CARD9: variants seen among roughly 807,000 people sequenced by gnomAD.
CARD9 encodes caspase recruitment domain-containing protein 9.
CARD9 carries 53 observed loss-of-function variants against 66.0 expected under a neutral mutation model. The ratio of observed to expected loss-of-function variants is 0.80; its 90% CI spans 0.64 to 1.01. The LOEUF is 1.01. Ranked by LOEUF, CARD9 falls within the 50% of genes least tolerant of loss-of-function variation. The pLI is 0.00. For synonymous variants in CARD9, 387 were observed against 313.8 expected, an observed-to-expected ratio of 1.23 and a Z score of -2.47; for missense variants, 769 against 743.2, an observed-to-expected ratio of 1.03 and a Z score of -0.40.
Position 136,367,908 on chromosome 9 carries a change from A to G in CARD9, c.1078-80T>C, listed in dbSNP as rs1261435754. On this transcript the variant is annotated intron_variant, in intron 7 of 12. Transcript: ENST00000371732. ...CCCTCGGCCCGGCCGCCCAACTCCA[A>G]GCAGAGGCTCCGGAGGACGTCAAGC... The G allele has an allele frequency of 2.0e-6, 3 of 1,493,622 alleles. No individual in the cohort carries two copies. In the East Asian group the frequency reaches 7.3e-5, roughly 36 times the overall value. 92.5% of individuals were successfully genotyped at this position (1,493,622 alleles called of 1,614,324 possible).
chr9:136,370,433 C>A lies in CARD9; in HGVS notation c.812G>T (p.Gly271Val). The A allele has an allele frequency of 6.2e-7, 1 of 1,610,818 alleles. No individual in the cohort carries two copies. Among genetic ancestry groups the A allele is most frequent in the South Asian group, 1.1e-5 (1 of 90,690 alleles). The change falls in exon 6 of 13, where the codon GGG becomes GTG. Residue 271 changes from glycine (G) to valine (V), a missense_variant. Transcript: ENST00000371732. Reference sequence around the variant, plus strand: ...GTAGGGGCTGCTCCTGTCCAGCTTCCCCTCCTGAAGGGGGCAAAAGGCAAT... The same window carrying A: ...GTAGGGGCTGCTCCTGTCCAGCTTCACCTCCTGAAGGGGGCAAAAGGCAAT... Reference protein sequence around the residue: ...VQELEASVQEGKLDRSSPYIQ... With the variant: ...VQELEASVQEVKLDRSSPYIQ...
intron 9 of CARD9, 52 bp downstream of exon 9, chr9:136,367,164 A>G: frequency 6.3e-7 from 1 of 1,584,566 alleles, no homozygotes; most frequent in Non-Finnish European, 8.6e-7. Context: ...CAGCTCAGCC[A>G]GGACCCCAGG....
Position 136,364,553 on chromosome 9 carries a change from C to G in CARD9, c.1441G>C (p.Gly481Arg), listed in dbSNP as rs1833070179. ...TCGGGCGGCTCCCCGCTGCTCAGGC[C>G]TGCGTCCTGGAGAAGGGGGAAGGCT... is the stretch of plus-strand genomic sequence containing the variant. ...EQVLRNPHDA[G>R]LSSGEPPEKE... The change falls in exon 12 of 13, where the codon GGC becomes CGC. Residue 481 changes from glycine (G) to arginine (R), a missense_variant. Transcript: ENST00000371732. The G allele has an allele frequency of 2.6e-6, 4 of 1,538,350 alleles. No homozygotes were observed. The highest frequency in any genetic ancestry group is 3.5e-6 in the Non-Finnish European group (4 of 1,146,576).
intron 2 of CARD9, among the ~76,000 whole-genome samples, 173 bp from the exon 3 acceptor site, chr9:136,371,634 C>T (rs988804130): frequency 6.6e-6 from 1 of 152,158 alleles, no homozygotes; most frequent in African/African-American, 2.4e-5. Context: ...GGACCAAGTG[C>T]TGCCCACCCG....
At chr9:136,368,753 A>G (rs1462489898) in intron 7 of CARD9, among the ~76,000 whole-genome samples, 1 of 152,092 alleles carries the variant, frequency 6.6e-6, no homozygotes, top group East Asian at 1.9e-4. Context: ...CAATAGCGCA[A>G]TGGTGACTTG....
chr9:136,371,748 G>A (rs892465437), intron 2 of CARD9, 147 bp downstream of exon 2: 23 of 1,369,148 alleles, frequency 1.7e-5, no homozygotes, highest in Non-Finnish European at 2.3e-5. Context: ...ACGTGCCAGG[G>A]TTGAGGTTGG....
chr9:136,366,938 G>T, intron 9 of CARD9, 93 bp from the exon 10 acceptor site: 3 of 1,445,370 alleles, frequency 2.1e-6, no homozygotes, highest in African/African-American at 1.4e-5. Context: ...CCTCAGCTGG[G>T]TGCAGCCATT....
chr9:136,364,063 C>G lies in CARD9; in HGVS notation c.*239G>C. ...TGAAACAGAACAGATCCTGAAGTTA[C>G]ACAGATGGCGTGTGCATGGGGGTGG... On this transcript the variant is annotated 3_prime_UTR_variant, in exon 13 of 13. Transcript: ENST00000371732. 1 of 1,544,230 alleles carries G rather than the reference C, an allele frequency of 6.5e-7. No individual in the cohort carries two copies.
intron 11 of CARD9, chr9:136,364,921 G>A (rs547675439): frequency 3.7e-5 from 22 of 598,582 alleles, no homozygotes; most frequent in Middle Eastern, 8.9e-4. Flanking sequence ...GCACATCCAC[G>A]TCCAAAAAGC....
Position 136,370,640 on chromosome 9 carries a change from T to G in CARD9, c.689A>C (p.His230Pro). The change falls in exon 5 of 13, where the codon CAC (histidine) becomes CCC (proline). Residue 230 changes from histidine to proline, a missense_variant. By Grantham distance (77) the His-to-Pro change is moderately conservative. Transcript: ENST00000371732. ...CATGGCGTGCCTGAGCTTCAGCGTG[T>G]GCTTGCGCTCCACCTTGCAGTCGTC... is the stretch of plus-strand genomic sequence containing the variant. ...AEDDCKVERK[H>P]TLKLRHAMEQ... The G allele has an allele frequency of 6.2e-7, 1 of 1,612,762 alleles. No individual in the cohort carries two copies. Among genetic ancestry groups the G allele is most frequent in the Non-Finnish European group, 8.5e-7 (1 of 1,179,898 alleles).
At position 136,364,167 on chromosome 9, in the gene CARD9, C is replaced by G. The variant is rs553995269; in HGVS notation, c.*135G>C. ...TGCCCGGCAGTCCGGCTGGGCCTTT[C>G]AGGGCACCAGATTCCTCGTTCCAGG... On this transcript the variant is annotated 3_prime_UTR_variant, in exon 13 of 13. Coordinates refer to ENST00000371732, the MANE Select transcript of CARD9 (RefSeq NM_052813.5). 2.6e-5 allele frequency: 41 copies of G among 1,550,546 alleles called. 2 individuals carry two copies. In the Middle Eastern group the frequency reaches 1.3e-3, roughly 50 times the overall value.
intron 10 of CARD9, 37 bp downstream of exon 10, chr9:136,366,763 T>G: frequency 3.1e-6 from 5 of 1,610,816 alleles, no homozygotes; most frequent in Non-Finnish European, 4.2e-6. Flanking sequence ...TTGGGGAAGC[T>G]GGGAGGCCTC....
intron 11 of CARD9, chr9:136,364,895 G>A (rs2131432168): frequency 3.4e-6 from 2 of 596,250 alleles, no homozygotes; most frequent in South Asian, 2.0e-5. Context: ...AAAGGCCCTC[G>A]GAAAACCAGG....
chr9:136,373,327 T>A (rs565749825), intron 1 of CARD9, among the ~76,000 whole-genome samples: 11 of 152,270 alleles, frequency 7.2e-5, no homozygotes, highest in African/African-American at 2.6e-4. Context: ...CAGCTTGAAA[T>A]GCAGGGTCCC....
At chr9:136,364,622 CG>C in intron 11 of CARD9, 63 bp from the exon 12 acceptor site, 2 of 1,476,544 alleles carry the variant, frequency 1.4e-6, no homozygotes, top group Non-Finnish European at 9.1e-7. Context: ...CCTTCTCACC[CG>C]CCCCCCACTG....
chr9:136,365,083 T>C, intron 11 of CARD9, 58 bp downstream of exon 11: 2 of 1,556,334 alleles, frequency 1.3e-6, no homozygotes, highest in South Asian at 1.1e-5. Flanking sequence ...CCACTCTCCC[T>C]GTGATCGGTC....
intron 7 of CARD9, among the ~76,000 whole-genome samples, chr9:136,368,311 GGCTGGCA>G (rs1319019953): frequency 6.6e-6 from 1 of 152,220 alleles, no homozygotes; most frequent in Non-Finnish European, 1.5e-5. Flanking sequence ...CTGGAGCAAC[GGCTGGCA>G]GCTTCCCTAA....
In CARD9 at chr9:136,364,521, C is replaced by G; in HGVS notation, c.1473G>C (p.Glu491Asp). ...CAAAACTCTCTTTGAGGCGCCGCCGCTCCTTCTCGGGCGGCTCCCCGCTGC... is the reference window on the plus strand; with the variant it reads ...CAAAACTCTCTTTGAGGCGCCGCCGGTCCTTCTCGGGCGGCTCCCCGCTGC... ...GLSSGEPPEK[E>D]RRRLKESFEN... The change falls in exon 12 of 13, where the codon GAG (glutamate) becomes GAC (aspartate). Residue 491 changes from glutamate to aspartate, a missense_variant. Glu to Asp is a conservative substitution (Grantham distance 45, BLOSUM62 2). Coordinates refer to ENST00000371732, the MANE Select transcript of CARD9 (RefSeq NM_052813.5). 1 of 1,539,312 alleles carries G rather than the reference C, an allele frequency of 6.5e-7. No homozygotes were observed. The highest frequency in any genetic ancestry group is 8.7e-7 in the Non-Finnish European group (1 of 1,146,840).
rs375985866 is a variant in CARD9, at chr9:136,370,663, G to A, written c.666C>T (p.Asp222=). The part of the protein sequence containing the change: ...QLKHSLMKAE[D]DCKVERKHTL... The stretch of plus-strand genomic sequence containing the variant: ...TGTGCTTGCGCTCCACCTTGCAGTC[G>A]TCCTCGGCCTTCATGAGGCTGTGCT... The change falls in exon 5 of 13, where the codon GAC becomes GAT. Residue 222 remains aspartate, a synonymous_variant. Transcript: ENST00000371732. 3.0e-5 allele frequency: 48 copies of A among 1,612,674 alleles called. No homozygotes were observed. The highest frequency in any genetic ancestry group is 3.1e-5 in the Non-Finnish European group (37 of 1,179,914).
Sources: gnomAD v4.1 joint callset for allele counts (sites outside exome capture counted in the v4.1 genomes callset) on GRCh38, gnomAD v4.1.1 for gene constraint, MANE v1.5 for transcripts, NCBI Gene and HGNC (gene_info 2026-07-23, HGNC 2026-07-21) for gene names.